Variants in UST observed in about 807,000 individuals in gnomAD.
UST encodes uronyl 2-sulfotransferase, also known as chondroitin sulfate 2-O-sulfotransferase.
Under a neutral mutation model 45.6 loss-of-function variants are expected in UST, and 21 were observed. That is an observed-to-expected ratio of 0.46 (90% CI 0.33 to 0.66). The LOEUF (loss-of-function observed/expected upper bound fraction) is 0.66, where lower values mean the gene tolerates loss of function less well. Among genes scored for constraint, UST ranks in the 30% least tolerant of loss-of-function variants. The pLI is 0.02. For synonymous variants in UST, 215 were observed against 200.6 expected (o/e 1.07, Z -0.61); for missense variants, 463 against 512.4 (o/e 0.90, Z 0.93).
At chr6:148,947,852 C>T (rs1033602804) in intron 3 of UST, among the ~76,000 whole-genome samples, 14 of 151,702 alleles carry the variant, frequency 9.2e-5, no homozygotes, top group Non-Finnish European at 1.9e-4. Flanking sequence ...GATTAGTTCA[C>T]ACAGCCCTGC....
rs149574644 is a variant in UST at position 148,784,071 on chromosome 6, C to T, written c.247+36394C>T. 2.1e-3 allele frequency among the ~76,000 whole-genome samples: 320 copies of T among 152,280 alleles called. 2 individuals carry two copies. The highest frequency in any genetic ancestry group is 7.5e-3 in the African/African-American group (310 of 41,552). ...TACGGCATATCACGAAACCCCAACC[C>T]TCATACGCTTCATCATTTTAAATAA... On this transcript the variant is annotated intron_variant, in intron 1 of 7. Transcript: ENST00000367463.
At chr6:148,806,753 G>A (rs959960777) in intron 1 of UST, among the ~76,000 whole-genome samples, 2 of 152,188 alleles carry the variant, frequency 1.3e-5, no homozygotes, top group African/African-American at 2.4e-5. Context: ...CATTTGGTGA[G>A]GGCCTTCTTG....
chr6:148,747,588 C>G lies in UST; in HGVS notation c.158C>G (p.Ala53Gly). The G allele has an allele frequency of 1.3e-6, 2 of 1,592,866 alleles. No individual in the cohort carries two copies. Among genetic ancestry groups the G allele is most frequent in the Non-Finnish European group, 1.7e-6 (2 of 1,171,342 alleles). ...CTCCGGGACTACGGCTTCTGCATGGCCACCCTGCTGGTCTTCTGCCTGGGC... is the reference window on the plus strand; with the variant it reads ...CTCCGGGACTACGGCTTCTGCATGGGCACCCTGCTGGTCTTCTGCCTGGGC... Reference protein sequence around the residue: ...FSLRDYGFCMATLLVFCLGSL... With the variant: ...FSLRDYGFCMGTLLVFCLGSL... The change falls in exon 1 of 8, where the codon GCC becomes GGC. Residue 53 changes from alanine (A) to glycine (G), a missense_variant. Ala to Gly is a moderately conservative substitution (Grantham distance 60). This residue lies in a region of UST where 176 missense variants were observed against 138.3 expected (regional missense o/e 1.27). Transcript: ENST00000367463.
At chr6:148,865,886 G>T (rs1040576173) in intron 1 of UST, among the ~76,000 whole-genome samples, 1 of 152,138 alleles carries the variant, frequency 6.6e-6, no homozygotes, top group African/African-American at 2.4e-5. Flanking sequence ...TGGGGACTAT[G>T]CATGGAATGT....
chr6:149,041,483 G>A (rs17081680), intron 7 of UST, among the ~76,000 whole-genome samples: 1 of 152,142 alleles, frequency 6.6e-6, no homozygotes, highest in African/African-American at 2.4e-5. Flanking sequence ...TCTACCTTTT[G>A]TCCCCTTGTC....
At chr6:148,986,360 A>C (rs1172999679) in intron 5 of UST, among the ~76,000 whole-genome samples, 1 of 152,226 alleles carries the variant, frequency 6.6e-6, no homozygotes, top group Non-Finnish European at 1.5e-5. Flanking sequence ...ACAGAGGTTA[A>C]GTAACTTGCC....
rs72986617 is a variant in UST, at chr6:148,871,066, G to C, written c.248-15920G>C. Among the ~76,000 whole-genome samples, 1,449 of 148,876 alleles carry C rather than the reference G, an allele frequency of 9.7e-3. 11 individuals are homozygous for C. Among genetic ancestry groups the C allele is most frequent in the Middle Eastern group, 0.014 (4 of 290 alleles). On this transcript the variant is annotated intron_variant, in intron 1 of 7. Coordinates refer to ENST00000367463, the MANE Select transcript of UST (RefSeq NM_005715.3). Reference sequence around the variant, plus strand: ...TTAGGTTTGAGGGTAGGGCTGCCATGATGGGATTGGGGGCCTTATAAGGAC... The same window carrying C: ...TTAGGTTTGAGGGTAGGGCTGCCATCATGGGATTGGGGGCCTTATAAGGAC...
chr6:148,815,681 A>C (rs890007111), intron 1 of UST, among the ~76,000 whole-genome samples: 3 of 152,178 alleles, frequency 2.0e-5, no homozygotes, highest in Non-Finnish European at 4.4e-5. Flanking sequence ...AAACAAAAAC[A>C]AAAAAAGAGT....
At chr6:149,058,345 A>ATG (rs56994081) in intron 7 of UST, among the ~76,000 whole-genome samples, 4,078 of 119,660 alleles carry the variant, frequency 0.034, 72 homozygotes, top group South Asian at 0.11. Flanking sequence ...AAGGAGGAGC[A>ATG]TGTGTGTGTG....
At chr6:148,913,850 G>T (rs1226077362) in intron 2 of UST, among the ~76,000 whole-genome samples, 1 of 152,120 alleles carries the variant, frequency 6.6e-6, no homozygotes. Flanking sequence ...GTACAAAAAT[G>T]AAAGTATAGG....
At chr6:149,064,923 C>T (rs1428738640) in intron 7 of UST, among the ~76,000 whole-genome samples, 1 of 151,768 alleles carries the variant, frequency 6.6e-6, no homozygotes, top group Non-Finnish European at 1.5e-5. Flanking sequence ...ACGGGCCAAA[C>T]AACACATTGC....
At chr6:148,983,398 G>A (rs1018967194) in intron 5 of UST, among the ~76,000 whole-genome samples, 2 of 152,154 alleles carry the variant, frequency 1.3e-5, no homozygotes, top group African/African-American at 4.8e-5. Flanking sequence ...CCAAATGGAA[G>A]AACAGGATTC....
intron 1 of UST, among the ~76,000 whole-genome samples, chr6:148,825,233 C>T (rs1462342419): frequency 6.6e-6 from 1 of 152,088 alleles, no homozygotes; most frequent in African/African-American, 2.4e-5. Context: ...ACTAATATGT[C>T]CCCTGATGAT....
chr6:148,796,092 C>T (rs1776943306), intron 1 of UST, among the ~76,000 whole-genome samples: 1 of 152,096 alleles, frequency 6.6e-6, no homozygotes, highest in Admixed American at 6.5e-5. Context: ...AGACTGCTCC[C>T]ATGTGGTTTC....
chr6:148,881,097 T>C (rs902937967), intron 1 of UST, among the ~76,000 whole-genome samples: 5 of 152,012 alleles, frequency 3.3e-5, no homozygotes. Context: ...TATCAATGTA[T>C]AGAGTATGTA....
chr6:148,907,455 A>C (rs967896826), intron 2 of UST, among the ~76,000 whole-genome samples: 2 of 152,174 alleles, frequency 1.3e-5, no homozygotes, highest in African/African-American at 4.8e-5. Context: ...TGCACTTTTA[A>C]TGAGCCCTAC....
intron 1 of UST, among the ~76,000 whole-genome samples, chr6:148,842,735 C>CT (rs1777912916): frequency 6.6e-6 from 1 of 152,200 alleles, no homozygotes; most frequent in African/African-American, 2.4e-5. Context: ...CAGGCATATG[C>CT]TTGCACTTAG....
intron 2 of UST, among the ~76,000 whole-genome samples, chr6:148,899,966 C>T (rs1444218368): frequency 6.6e-6 from 1 of 152,122 alleles, no homozygotes; most frequent in Admixed American, 6.5e-5. Flanking sequence ...AAATCAATGC[C>T]CAGTGATTTT....
chr6:149,022,867 A>G (rs1775998776), intron 7 of UST, among the ~76,000 whole-genome samples: 1 of 152,092 alleles, frequency 6.6e-6, no homozygotes, highest in Non-Finnish European at 1.5e-5. Flanking sequence ...TTCAAATCCC[A>G]TTTACCTGAG....
Sources: gnomAD v4.1 joint callset for allele counts (sites outside exome capture counted in the v4.1 genomes callset) on GRCh38, gnomAD v4.1.1 for gene constraint, gnomAD v4.1.1 regional missense constraint, MANE v1.5 for transcripts, NCBI Gene and HGNC (gene_info 2026-07-23, HGNC 2026-07-21) for gene names.